Variants in PDE8A observed in about 807,000 individuals in gnomAD.
PDE8A encodes the protein phosphodiesterase 8A, also known as high affinity cAMP-specific and IBMX-insensitive 3',5'-cyclic phosphodiesterase 8A.
A neutral mutation model predicts 105.0 loss-of-function variants in PDE8A; 59 were observed. The observed-to-expected ratio is 0.56, with a 90% CI of 0.46 to 0.70. PDE8A has a LOEUF of 0.70. PDE8A is among the 30% of genes least tolerant of loss of function. The pLI is 0.00. For missense variants in PDE8A, 1,014 were observed against 1,045.9 expected (o/e 0.97, Z 0.42); for synonymous variants, 355 against 371.9 (o/e 0.95, Z 0.52).
At chr15:85,019,314 G>A (rs2080380715) in intron 1 of PDE8A, among the ~76,000 whole-genome samples, 1 of 152,012 alleles carries the variant, frequency 6.6e-6, no homozygotes, top group Non-Finnish European at 1.5e-5. Context: ...AAAATGTGAG[G>A]GATTTTCTTG....
chr15:85,061,255 A>G (rs1349114561), intron 1 of PDE8A, among the ~76,000 whole-genome samples: 1 of 151,064 alleles, frequency 6.6e-6, no homozygotes, highest in African/African-American at 2.4e-5. Flanking sequence ...TTTTTTTGAG[A>G]TGGCATCTTG....
rs781219001 is a variant in PDE8A, at chr15:85,120,807, A to T, written c.1745A>T (p.Asp582Val). 1 of 1,603,446 alleles carries T rather than the reference A, an allele frequency of 6.2e-7. No individual in the cohort carries two copies. Among genetic ancestry groups the T allele is most frequent in the Non-Finnish European group, 8.5e-7 (1 of 1,174,760 alleles). The change falls in exon 18 of 22, where the codon GAT becomes GTT. Residue 582 changes from aspartate to valine, a missense_variant. Physicochemically the swap from Asp to Val is radical, Grantham distance 152 (BLOSUM62 -3). Coordinates refer to ENST00000394553, the MANE Select transcript of PDE8A (RefSeq NM_002605.3). ...LSKERIKETL[D>V]PIDEVAALIA... is the part of the protein sequence containing the mutation. ...CTCTCTTGTTTTCAGGAAACTTTAG[A>T]TCCAATTGATGAGGTCGCTGCACTC...
chr15:85,064,550 ATTC>A, intron 2 of PDE8A, 124 bp downstream of exon 2: 1 of 653,276 alleles, frequency 1.5e-6, no homozygotes, highest in Non-Finnish European at 2.7e-6. Context: ...CCAATGTTAA[ATTC>A]CCTGAACTCT....
At chr15:85,047,781 G>A (rs1263836768) in intron 1 of PDE8A, among the ~76,000 whole-genome samples, 1 of 152,184 alleles carries the variant, frequency 6.6e-6, no homozygotes, top group East Asian at 1.9e-4. Context: ...TTACCTAGGA[G>A]GGATGAGCCT....
chr15:85,106,670 G>A (rs1003479439), intron 11 of PDE8A, among the ~76,000 whole-genome samples: 2 of 152,184 alleles, frequency 1.3e-5, no homozygotes, highest in African/African-American at 4.8e-5. Context: ...CAGACAGAAG[G>A]AGCCGGTGTC....
chr15:84,987,376 G>T (rs2079819229), intron 1 of PDE8A, among the ~76,000 whole-genome samples: 1 of 151,810 alleles, frequency 6.6e-6, no homozygotes, highest in African/African-American at 2.4e-5. Flanking sequence ...TTTATGATAG[G>T]GCCTGTGGTC....
chr15:85,119,707 A>G (rs1005347648), intron 17 of PDE8A, among the ~76,000 whole-genome samples: 2 of 152,120 alleles, frequency 1.3e-5, no homozygotes, highest in Non-Finnish European at 2.9e-5. Context: ...AACAAAATAG[A>G]ATAACTAATG....
intron 11 of PDE8A, among the ~76,000 whole-genome samples, chr15:85,108,202 T>A (rs1312867415): frequency 6.6e-6 from 1 of 152,076 alleles, no homozygotes; most frequent in Non-Finnish European, 1.5e-5. Flanking sequence ...GAAGAGCCTT[T>A]TCGATGGTGC....
chr15:85,059,863 C>A (rs535655473), intron 1 of PDE8A, among the ~76,000 whole-genome samples: 21 of 152,206 alleles, frequency 1.4e-4, no homozygotes, highest in African/African-American at 4.8e-4. Flanking sequence ...TAAAAATTAA[C>A]CAGATGAGGT....
intron 3 of PDE8A, among the ~76,000 whole-genome samples, chr15:85,068,454 G>A (rs1005565591): frequency 6.6e-6 from 1 of 152,188 alleles, no homozygotes; most frequent in African/African-American, 2.4e-5. Context: ...GGAGGTCCAG[G>A]TCCTTGTTTG....
In PDE8A at chr15:84,992,701, G is replaced by A. The variant is rs1357073687; in HGVS notation, c.186+10353G>A. On this transcript the variant is annotated intron_variant, in intron 1 of 21. Coordinates refer to ENST00000394553, the MANE Select transcript of PDE8A (RefSeq NM_002605.3). ...GGAGGGAATGAGAGAAGGAAAAACT[G>A]ACTAGTGACAAATTGGACTTGGTGA... Among the ~76,000 whole-genome samples the A allele has an allele frequency of 2.6e-5, 4 of 152,224 alleles. No homozygotes were observed. The East Asian group carries it at 7.7e-4, about 29-fold the overall frequency.
intron 1 of PDE8A, among the ~76,000 whole-genome samples, chr15:85,024,765 G>A (rs77356866): frequency 0.014 from 2,158 of 152,178 alleles, 55 homozygotes; most frequent in Admixed American, 0.063. Context: ...GCAAAAATTC[G>A]GACTTGTTCA....
rs150022199 is a variant in PDE8A at position 85,033,206 on chromosome 15, G to A, written c.187-31164G>A. 2.9e-3 allele frequency among the ~76,000 whole-genome samples: 442 copies of A among 152,282 alleles called. 2 individuals are homozygous for A. Among genetic ancestry groups the A allele is most frequent in the Non-Finnish European group, 4.4e-3 (297 of 68,022 alleles). On this transcript the variant is annotated intron_variant, in intron 1 of 21. Transcript: ENST00000394553. ...GGAAAAGAGAGAGACATTTTCCAACGTAAGGGACACACCCTGGGATTCAAA... is the reference window on the plus strand; with the variant it reads ...GGAAAAGAGAGAGACATTTTCCAACATAAGGGACACACCCTGGGATTCAAA...
intron 1 of PDE8A, among the ~76,000 whole-genome samples, chr15:85,045,783 T>C (rs1567247050): frequency 1.3e-5 from 2 of 152,298 alleles, no homozygotes; most frequent in East Asian, 3.9e-4. Context: ...CCTGACTCTT[T>C]CCAGGCTGTG....
intron 15 of PDE8A, 200 bp from the exon 16 acceptor site, chr15:85,115,784 G>A: frequency 1.8e-6 from 1 of 556,864 alleles, no homozygotes. Context: ...AGCCAGGCAT[G>A]GTGGCAGGTG....
intron 7 of PDE8A, chr15:85,090,597 C>T: frequency 7.5e-6 from 2 of 268,050 alleles, no homozygotes; most frequent in South Asian, 6.7e-5. Flanking sequence ...GGATAAGAGT[C>T]TCAGAGGGAT....
At chr15:85,136,219 G>A (rs2082406881) in intron 20 of PDE8A, among the ~76,000 whole-genome samples, 1 of 152,210 alleles carries the variant, frequency 6.6e-6, no homozygotes, top group Non-Finnish European at 1.5e-5. Context: ...AGGTCAATAC[G>A]AACAACAGAG....
rs57819302 is a variant in PDE8A, at chr15:85,128,452, G to A, written c.2253+2078G>A. 3.2e-3 allele frequency among the ~76,000 whole-genome samples: 493 copies of A among 152,224 alleles called. 3 individuals are homozygous for A. The highest frequency in any genetic ancestry group is 0.011 in the African/African-American group (475 of 41,532). ...GTTGAGGCTGCAGTGAGCCATGATT[G>A]TACACTGCACTCCAACCTGGGTGAC... is the stretch of plus-strand genomic sequence containing the variant. On this transcript the variant is annotated intron_variant, in intron 20 of 21. Coordinates refer to ENST00000394553, the MANE Select transcript of PDE8A (RefSeq NM_002605.3).
At chr15:85,091,215 A>G (rs1596508636) in intron 8 of PDE8A, 34 bp downstream of exon 8, 1 of 1,560,034 alleles carries the variant, frequency 6.4e-7, no homozygotes, top group East Asian at 2.3e-5. Flanking sequence ...TTTAACTTTC[A>G]CAACACAGAG....
Sources: gnomAD v4.1 joint callset for allele counts (sites outside exome capture counted in the v4.1 genomes callset) on GRCh38, gnomAD v4.1.1 for gene constraint, MANE v1.5 for transcripts, NCBI Gene and HGNC (gene_info 2026-07-23, HGNC 2026-07-21) for gene names.